The following DENND1A variants were observed in gnomAD, a reference collection of about 807,000 sequenced individuals.
DENND1A encodes the protein DENN domain-containing protein 1A.
In DENND1A, 51 loss-of-function variants were observed where a neutral mutation model predicts 113.7. The observed-to-expected ratio is 0.45, with a 90% CI of 0.36 to 0.57. The LOEUF is 0.57. Ranked by LOEUF, DENND1A falls within the 20% of genes least tolerant of loss-of-function variation. The pLI is 0.00. For synonymous variants in DENND1A, 565 were observed against 570.8 expected, an observed-to-expected ratio of 0.99 and a Z score of 0.14; for missense variants, 1,258 against 1,395.9, an observed-to-expected ratio of 0.90 and a Z score of 1.57.
intron 1 of DENND1A, among the ~76,000 whole-genome samples, chr9:123,911,612 C>A (rs1853979382): frequency 6.6e-6 from 1 of 152,132 alleles, no homozygotes; most frequent in African/African-American, 2.4e-5. Flanking sequence ...CACCCATGAG[C>A]ATATACTGCA....
intron 18 of DENND1A, among the ~76,000 whole-genome samples, chr9:123,446,864 C>T (rs2047344894): frequency 6.6e-6 from 1 of 152,108 alleles, no homozygotes; most frequent in South Asian, 2.1e-4. Flanking sequence ...AGAAACTTTA[C>T]AAAGGGCTGT....
chr9:123,905,894 C>T (rs369582044), intron 1 of DENND1A, among the ~76,000 whole-genome samples: 12,250 of 150,640 alleles, frequency 0.081, 1,007 homozygotes, highest in African/African-American at 0.22. Context: ...CCCAAATCAA[C>T]AGAATATACA....
At position 123,454,645 on chromosome 9, in the gene DENND1A, T is replaced by C. The variant is rs1032041260; in HGVS notation, c.1227+94A>G. On this transcript the variant is annotated intron_variant, in intron 16 of 23. Transcript: ENST00000394215. ...GGCATCTCCAGCAGAGAGAATGGAG[T>C]GCTCCAGGATGGAAGGGGAAGCACA... The C allele has an allele frequency of 3.4e-5, 43 of 1,249,832 alleles. 1 individual carries two copies. The highest frequency in any genetic ancestry group is 4.9e-5 in the Non-Finnish European group (43 of 873,028). The allele number at this position is 1,249,832 out of a possible 1,614,324, so 77.4% of individuals were successfully genotyped here. A position where few individuals can be genotyped will look rare whatever the true frequency, so the allele number is the denominator to read the frequency against.
At chr9:123,462,976 C>A (rs1444486489) in intron 13 of DENND1A, among the ~76,000 whole-genome samples, 1 of 152,142 alleles carries the variant, frequency 6.6e-6, no homozygotes, top group African/African-American at 2.4e-5. Flanking sequence ...CCACCTGCGT[C>A]CTGCAAGTAA....
intron 5 of DENND1A, among the ~76,000 whole-genome samples, chr9:123,750,563 C>T (rs138825621): frequency 4.6e-5 from 7 of 152,228 alleles, no homozygotes; most frequent in Non-Finnish European, 1.0e-4. Flanking sequence ...AATTATCAAT[C>T]TGCCTTAGCA....
chr9:123,707,005 G>C (rs1326341027), intron 5 of DENND1A, among the ~76,000 whole-genome samples: 1 of 152,150 alleles, frequency 6.6e-6, no homozygotes, highest in African/African-American at 2.4e-5. Context: ...AAAAGTCCAT[G>C]TCTGAGATTG....
rs543884049 is a variant in DENND1A, at chr9:123,490,898, C to T, written c.994-33001G>A. Among the ~76,000 whole-genome samples the T allele has an allele frequency of 4.6e-5, 7 of 152,350 alleles. 1 individual carries two copies. In the South Asian group the frequency reaches 1.4e-3, roughly 32 times the overall value. ...TGCAGCCACATGTAGCCAGAGGCCA[C>T]TGTACTGAATGCGACAAGGCTGGAG... On this transcript the variant is annotated intron_variant, in intron 13 of 23. Transcript: ENST00000394215.
intron 4 of DENND1A, among the ~76,000 whole-genome samples, chr9:123,763,857 G>C (rs1279380216): frequency 6.6e-6 from 1 of 152,118 alleles, no homozygotes; most frequent in African/African-American, 2.4e-5. Flanking sequence ...CTAGTTGAAT[G>C]ACAGAAGCAG....
chr9:123,820,757 A>G (rs557473616), intron 2 of DENND1A, among the ~76,000 whole-genome samples: 1 of 152,278 alleles, frequency 6.6e-6, no homozygotes, highest in Non-Finnish European at 1.5e-5. Context: ...GTTTTAATTT[A>G]TGTCATTTTT....
At chr9:123,674,395 A>C (rs553321891) in intron 6 of DENND1A, among the ~76,000 whole-genome samples, 17 of 138,094 alleles carry the variant, frequency 1.2e-4, no homozygotes, top group Non-Finnish European at 1.7e-4. Context: ...CACACACACA[A>C]TAGAAGCCTA....
chr9:123,902,853 G>A (rs904246813), intron 1 of DENND1A, among the ~76,000 whole-genome samples: 8 of 139,714 alleles, frequency 5.7e-5, no homozygotes, highest in South Asian at 2.2e-4. Flanking sequence ...ATCAAAATCC[G>A]ACAAGATTAC....
At chr9:123,401,944 T>A (rs1358325821) in intron 21 of DENND1A, 1 of 1,614,046 alleles carries the variant, frequency 6.2e-7, no homozygotes, top group Non-Finnish European at 8.5e-7. Context: ...TGGGTTTACA[T>A]CTCAATATCA....
intron 23 of DENND1A, 115 bp downstream of exon 23, chr9:123,383,540 G>A (rs2042395300): frequency 6.8e-7 from 1 of 1,480,658 alleles, no homozygotes; most frequent in South Asian, 1.3e-5. Flanking sequence ...ATTGGCTGAG[G>A]GTCTTGGAAA....
chr9:123,682,776 T>C (rs547183353), intron 5 of DENND1A, among the ~76,000 whole-genome samples: 32 of 152,280 alleles, frequency 2.1e-4, no homozygotes, highest in African/African-American at 7.5e-4. Flanking sequence ...ATGTACCTGA[T>C]GGACATGACA....
chr9:123,599,372 G>A (rs1236807953), intron 11 of DENND1A, among the ~76,000 whole-genome samples: 1 of 151,996 alleles, frequency 6.6e-6, no homozygotes, highest in African/African-American at 2.4e-5. Context: ...AGTTTAGCAG[G>A]GGGGAAAAAA....
At chr9:123,398,550 AT>A (rs933690263) in intron 21 of DENND1A, among the ~76,000 whole-genome samples, 15 of 149,938 alleles carry the variant, frequency 1.0e-4, no homozygotes, top group African/African-American at 3.4e-4. Context: ...AATTTTTTGT[AT>A]TTTTTTTAGT....
intron 13 of DENND1A, among the ~76,000 whole-genome samples, chr9:123,530,122 C>T (rs556345804): frequency 1.9e-4 from 29 of 151,750 alleles, no homozygotes; most frequent in African/African-American, 6.5e-4. Context: ...TAGGAGTTTC[C>T]AGAATAAAAA....
At chr9:123,788,179 C>T (rs1210587467) in intron 3 of DENND1A, among the ~76,000 whole-genome samples, 2 of 152,034 alleles carry the variant, frequency 1.3e-5, no homozygotes, top group African/African-American at 2.4e-5. Flanking sequence ...TACGTGTTTT[C>T]GTATAAGAAG....
intron 5 of DENND1A, among the ~76,000 whole-genome samples, chr9:123,740,633 A>C (rs919736868): frequency 4.6e-5 from 7 of 152,176 alleles, no homozygotes; most frequent in Non-Finnish European, 8.8e-5. Flanking sequence ...CTCCTAAATT[A>C]GGTATCTTAT....
Sources: gnomAD v4.1 joint callset for allele counts (sites outside exome capture counted in the v4.1 genomes callset) on GRCh38, gnomAD v4.1.1 for gene constraint, MANE v1.5 for transcripts, NCBI Gene and HGNC (gene_info 2026-07-23, HGNC 2026-07-21) for gene names.